RHOD: variants seen among roughly 807,000 people sequenced by gnomAD.
The protein encoded by RHOD is rho-related GTP-binding protein RhoD.
RHOD carries 11 observed loss-of-function variants against 16.7 expected under a neutral mutation model. The observed-to-expected ratio is 0.66, with a 90% CI of 0.41 to 1.09. The LOEUF (loss-of-function observed/expected upper bound fraction) is 1.09, where lower values mean the gene tolerates loss of function less well. Ranked by LOEUF, RHOD falls within the 50% of genes least tolerant of loss-of-function variation. The pLI, the probability that RHOD is intolerant of heterozygous loss-of-function variation, is 0.00. For synonymous variants in RHOD, 124 were observed against 126.3 expected (o/e 0.98, Z 0.12); for missense variants, 271 against 291.7 (o/e 0.93, Z 0.52).
At chr11:67,062,016 A>G (rs2136245903) in intron 1 of RHOD, among the ~76,000 whole-genome samples, 1 of 151,994 alleles carries the variant, frequency 6.6e-6, no homozygotes, top group East Asian at 1.9e-4. Flanking sequence ...CTATCACAAG[A>G]ACAGCATGGG....
At chr11:67,059,701 C>T (rs1590668035) in intron 1 of RHOD, among the ~76,000 whole-genome samples, 1 of 152,194 alleles carries the variant, frequency 6.6e-6, no homozygotes, top group Non-Finnish European at 1.5e-5. Flanking sequence ...GCAGTGGCAG[C>T]ACTGATCTAG....
rs753239687 is a variant in RHOD, at chr11:67,071,980, CAT to C, written c.*380_*381del. 7.1e-5 allele frequency: 16 copies of C among 226,540 alleles called. No homozygotes were observed. Among genetic ancestry groups the C allele is most frequent in the Middle Eastern group, 1.4e-3 (1 of 738 alleles). 14.0% of individuals were successfully genotyped at this position (226,540 alleles called of 1,614,324 possible). A position where few individuals can be genotyped will look rare whatever the true frequency, so the allele number is the denominator to read the frequency against. On this transcript the variant is annotated 3_prime_UTR_variant, in exon 5 of 5. Transcript: ENST00000308831. ...CCACACCCGGCCCCTTCCCACCTGT[CAT>C]ACTGGTAACTGTAACAAGAAAAACG...
In RHOD at chr11:67,071,544, G is replaced by T; in HGVS notation, c.575G>T (p.Ser192Ile). ...CAGGAGGCCGCCGAGGTGGCCCTCA[G>T]CAGCCGCGGTCGCAACTTCTGGCGG... Reference protein sequence around the residue: ...VFQEAAEVALSSRGRNFWRRI... With the variant: ...VFQEAAEVALISRGRNFWRRI... Residue 192 changes from serine to isoleucine, a missense_variant, in exon 5 of 5, where the codon AGC (serine) becomes ATC (isoleucine). Physicochemically the swap from Ser to Ile is moderately radical, Grantham distance 142. Coordinates refer to ENST00000308831, the MANE Select transcript of RHOD (RefSeq NM_014578.4). The T allele has an allele frequency of 6.2e-7, 1 of 1,611,954 alleles. No homozygotes were observed.
intron 1 of RHOD, among the ~76,000 whole-genome samples, chr11:67,064,149 G>A (rs1300384367): frequency 3.5e-5 from 5 of 144,816 alleles, no homozygotes; most frequent in Non-Finnish European, 7.5e-5. Context: ...GCTCACGCCT[G>A]TAATCCCAGC....
At chr11:67,060,407 G>C (rs572256990) in intron 1 of RHOD, among the ~76,000 whole-genome samples, 24 of 152,334 alleles carry the variant, frequency 1.6e-4, no homozygotes, top group African/African-American at 5.8e-4. Flanking sequence ...ATGGACAGAG[G>C]GTGACCCTGC....
intron 1 of RHOD, among the ~76,000 whole-genome samples, chr11:67,060,575 G>A (rs903364904): frequency 1.3e-5 from 2 of 152,220 alleles, no homozygotes; most frequent in Non-Finnish European, 2.9e-5. Context: ...AAAGGCAGGT[G>A]GCTGAGGACA....
intron 2 of RHOD, 145 bp downstream of exon 2, chr11:67,066,128 C>A: frequency 1.4e-6 from 1 of 696,490 alleles, no homozygotes. Context: ...GCCCAGGAGT[C>A]TGAGCCCTCC....
chr11:67,056,967 T>C lies in RHOD; in HGVS notation c.65T>C (p.Leu22Pro), dbSNP rs1854819990. Residue 22 changes from leucine to proline, a missense_variant, in exon 1 of 5, where the codon CTG becomes CCG. Transcript: ENST00000308831. ...GGCGTGCGGTCCGTCAAGGTGGTCCTGGTGGGCGACGGCGGCTGCGGGAAG... is the reference window on the plus strand; with the variant it reads ...GGCGTGCGGTCCGTCAAGGTGGTCCCGGTGGGCGACGGCGGCTGCGGGAAG... ...PPGVRSVKVV[L>P]VGDGGCGKTS... 1 of 1,504,670 alleles carries C rather than the reference T, an allele frequency of 6.6e-7. No homozygotes were observed. Among genetic ancestry groups the C allele is most frequent in the Non-Finnish European group, 8.8e-7 (1 of 1,135,792 alleles). 93.2% of individuals were successfully genotyped at this position (1,504,670 alleles called of 1,614,324 possible). A position where few individuals can be genotyped will look rare whatever the true frequency, so the allele number is the denominator to read the frequency against.
intron 3 of RHOD, among the ~76,000 whole-genome samples, chr11:67,068,785 C>T (rs924785309): frequency 4.0e-5 from 6 of 151,524 alleles, no homozygotes; most frequent in Non-Finnish European, 5.9e-5. Context: ...CCAGTCTGGG[C>T]GACAGAGCGG....
At chr11:67,071,179 T>C (rs1855024790) in intron 4 of RHOD, among the ~76,000 whole-genome samples, 1 of 151,946 alleles carries the variant, frequency 6.6e-6, no homozygotes, top group Admixed American at 6.6e-5. Flanking sequence ...GGAGCTGCAG[T>C]GAGCTGAGAT....
intron 4 of RHOD, 118 bp from the exon 5 acceptor site, chr11:67,071,317 C>T (rs556021901): frequency 2.4e-5 from 22 of 909,698 alleles, no homozygotes; most frequent in Middle Eastern, 3.3e-4. Context: ...AGCAGGGATA[C>T]GGGAGCCATG....
At chr11:67,070,656 G>A in intron 4 of RHOD, 97 bp downstream of exon 4, 2 of 1,459,068 alleles carry the variant, frequency 1.4e-6, no homozygotes, top group African/African-American at 1.4e-5. Flanking sequence ...CGCTCAGGGT[G>A]TAGGTCAGAG....
At chr11:67,069,649 C>T (rs1399430265) in intron 3 of RHOD, among the ~76,000 whole-genome samples, 3 of 151,484 alleles carry the variant, frequency 2.0e-5, no homozygotes, top group South Asian at 4.2e-4. Context: ...CGTGAGCCAC[C>T]GAGCCCGGCC....
At chr11:67,065,078 CT>C (rs1209583009) in intron 1 of RHOD, among the ~76,000 whole-genome samples, 238 of 142,400 alleles carry the variant, frequency 1.7e-3, no homozygotes, top group Non-Finnish European at 1.7e-3. Flanking sequence ...GCGGTAGGGA[CT>C]TTTTTTTTTT....
Position 67,065,940 on chromosome 11 carries a change from A to G in RHOD, c.177A>G (p.Gln59=). ...TVFERYMVNL[Q]VKGKPVHLHI... ...TTGAGCGGTACATGGTCAACCTGCAAGTGAAAGGCAAACCTGTGCACCTCC... is the reference window on the plus strand; with the variant it reads ...TTGAGCGGTACATGGTCAACCTGCAGGTGAAAGGCAAACCTGTGCACCTCC... The change falls in exon 2 of 5, where the codon CAA becomes CAG. Residue 59 remains glutamine, a synonymous_variant. Transcript: ENST00000308831. The G allele has an allele frequency of 6.9e-7, 1 of 1,457,030 alleles. No homozygotes were observed. Among genetic ancestry groups the G allele is most frequent in the Non-Finnish European group, 9.3e-7 (1 of 1,079,742 alleles). The allele number at this position is 1,457,030 out of a possible 1,614,324, so 90.3% of individuals were successfully genotyped here.
intron 1 of RHOD, among the ~76,000 whole-genome samples, chr11:67,058,741 T>G (rs796426990): frequency 3.0e-4 from 45 of 152,332 alleles, no homozygotes; most frequent in African/African-American, 1.0e-3. Flanking sequence ...CAGGATGATA[T>G]CTGTCTGCCT....
In RHOD at chr11:67,057,041, GC is replaced by G; in HGVS notation, c.132+11del. On this transcript the variant is annotated splice_region_variant and intron_variant, in intron 1 of 4. Coordinates refer to ENST00000308831, the MANE Select transcript of RHOD (RefSeq NM_014578.4). ...CGATGGGGCCTTCCCCGAGGTGAGT[GC>G]CCCGCGCCTCCGCCTCGCCCGGTTC... is the stretch of plus-strand genomic sequence containing the variant. The G allele has an allele frequency of 1.4e-6, 2 of 1,456,808 alleles. No homozygotes were observed. The highest frequency in any genetic ancestry group is 2.8e-5 in the Admixed American group (1 of 35,740). 90.2% of individuals were successfully genotyped at this position (1,456,808 alleles called of 1,614,324 possible). A position where few individuals can be genotyped will look rare whatever the true frequency, so the allele number is the denominator to read the frequency against.
chr11:67,067,841 C>A (rs1854977504), intron 3 of RHOD, among the ~76,000 whole-genome samples: 1 of 152,084 alleles, frequency 6.6e-6, no homozygotes, highest in African/African-American at 2.4e-5. Context: ...GCTCTGTCAC[C>A]CAGGCTGGAG....
At chr11:67,068,349 A>G (rs539275698) in intron 3 of RHOD, among the ~76,000 whole-genome samples, 1 of 152,262 alleles carries the variant, frequency 6.6e-6, no homozygotes, top group South Asian at 2.1e-4. Context: ...AGAGGAGAGG[A>G]AAGACCACAG....
Sources: gnomAD v4.1 joint callset for allele counts (sites outside exome capture counted in the v4.1 genomes callset) on GRCh38, gnomAD v4.1.1 for gene constraint, MANE v1.5 for transcripts, NCBI Gene and HGNC (gene_info 2026-07-23, HGNC 2026-07-21) for gene names.